SEPTIN9: variants seen among roughly 807,000 people sequenced by gnomAD.
The protein encoded by SEPTIN9 is septin-9.
In SEPTIN9, 13 loss-of-function variants were observed where a neutral mutation model predicts 56.6. The observed-to-expected ratio is 0.23, with a 90% CI of 0.15 to 0.37. The LOEUF is 0.37. Among genes scored for constraint, SEPTIN9 ranks in the 10% least tolerant of loss-of-function variants. The pLI is 1.00. For missense variants in SEPTIN9, 650 were observed against 823.1 expected (o/e 0.79, Z 2.57); for synonymous variants, 332 against 334.1 (o/e 0.99, Z 0.07).
rs1308114005 is a variant in SEPTIN9 at position 77,499,082 on chromosome 17, C to T, written c.*424C>T. On this transcript the variant is annotated 3_prime_UTR_variant, in exon 12 of 12. Transcript: ENST00000427177. ...GCACGCTCCCCTCCATCCCCATCGG[C>T]CCTGTCCCCTGGAGTGTGTCAGAGC... The T allele has an allele frequency of 1.9e-6, 1 of 536,476 alleles. No individual in the cohort carries two copies. Among genetic ancestry groups the T allele is most frequent in the Non-Finnish European group, 3.6e-6 (1 of 276,592 alleles). The allele number at this position is 536,476 out of a possible 1,614,324, so 33.2% of individuals were successfully genotyped here.
At chr17:77,384,518 G>C (rs1268995057) in intron 2 of SEPTIN9, among the ~76,000 whole-genome samples, 1 of 152,050 alleles carries the variant, frequency 6.6e-6, no homozygotes, top group Non-Finnish European at 1.5e-5. Flanking sequence ...GGGGAGGAAG[G>C]AGGGGATGGG....
rs768848747 is a variant in SEPTIN9, at chr17:77,498,622, CATG to C, written c.1726_1728del (p.Met576del). On this transcript the variant is annotated inframe_deletion, in exon 12 of 12. Coordinates refer to ENST00000427177, the MANE Select transcript of SEPTIN9 (RefSeq NM_001113491.2). ...AGGGCAGCAGCGCCATGGCCAACGGCATGGAGGAGAAGGAGCCAGAAGCCCCGG... is the reference window on the plus strand; with the variant it reads ...AGGGCAGCAGCGCCATGGCCAACGGCGAGGAGAAGGAGCCAGAAGCCCCGG... 1.2e-6 allele frequency: 2 copies of C among 1,610,506 alleles called. No homozygotes were observed. The highest frequency in any genetic ancestry group is 1.7e-5 in the Admixed American group (1 of 59,812).
chr17:77,464,063 A>T lies in SEPTIN9; in HGVS notation c.722-18081A>T, dbSNP rs556204678. On this transcript the variant is annotated intron_variant, in intron 3 of 11. Transcript: ENST00000427177. ...AATAACTGCAGGAACAATTTAAAAA[A>T]TTTTTTTTCTTTTTAATTTTTTTGT... Among the ~76,000 whole-genome samples the T allele has an allele frequency of 1.7e-4, 26 of 151,732 alleles. 1 individual carries two copies. In the South Asian group the frequency reaches 3.3e-3, roughly 19 times the overall value.
intron 2 of SEPTIN9, chr17:77,373,865 A>T: frequency 2.9e-6 from 1 of 346,264 alleles, no homozygotes; most frequent in Non-Finnish European, 5.1e-6. Flanking sequence ...AGCGACAGCG[A>T]CCTCCTCGAG....
intron 7 of SEPTIN9, among the ~76,000 whole-genome samples, chr17:77,489,332 G>A (rs1423545371): frequency 1.3e-5 from 2 of 152,210 alleles, no homozygotes; most frequent in African/African-American, 4.8e-5. Context: ...GGCTGCTGTT[G>A]GTGTTGGTGA....
chr17:77,363,801 G>T (rs1359526180), intron 2 of SEPTIN9, among the ~76,000 whole-genome samples: 1 of 152,108 alleles, frequency 6.6e-6, no homozygotes, highest in Non-Finnish European at 1.5e-5. Context: ...CAGGTCCCCA[G>T]AACCAAGGAG....
chr17:77,305,899 G>A (rs2032239864), intron 1 of SEPTIN9, among the ~76,000 whole-genome samples: 1 of 121,800 alleles, frequency 8.2e-6, no homozygotes, highest in Non-Finnish European at 1.7e-5. Context: ...AGGATGAGTG[G>A]GTGGGTGGGG....
intron 2 of SEPTIN9, among the ~76,000 whole-genome samples, chr17:77,365,853 A>G (rs1327894559): frequency 6.6e-6 from 1 of 152,148 alleles, no homozygotes; most frequent in Non-Finnish European, 1.5e-5. Context: ...TTGAAAATAA[A>G]TGCTTTCTTC....
chr17:77,325,627 C>T (rs755431024), intron 2 of SEPTIN9, among the ~76,000 whole-genome samples: 2 of 152,210 alleles, frequency 1.3e-5, no homozygotes, highest in Non-Finnish European at 2.9e-5. Context: ...GCCCGGCCTG[C>T]GTGTGAGACC....
chr17:77,288,992 G>A (rs1036694011), intron 1 of SEPTIN9, among the ~76,000 whole-genome samples: 1 of 152,236 alleles, frequency 6.6e-6, no homozygotes, highest in African/African-American at 2.4e-5. Flanking sequence ...CCTTGGCTGG[G>A]GCGATGAGTC....
At chr17:77,297,961 G>A (rs1177799923) in intron 1 of SEPTIN9, among the ~76,000 whole-genome samples, 1 of 152,234 alleles carries the variant, frequency 6.6e-6, no homozygotes, top group African/African-American at 2.4e-5. Flanking sequence ...GACTAGGCTG[G>A]AAGCAAGCTT....
intron 2 of SEPTIN9, among the ~76,000 whole-genome samples, chr17:77,340,438 G>T (rs887717683): frequency 2.0e-5 from 3 of 152,214 alleles, no homozygotes; most frequent in Non-Finnish European, 4.4e-5. Flanking sequence ...GCCGCACCAG[G>T]CCTCAATGGG....
intron 2 of SEPTIN9, chr17:77,375,877 G>C (rs955699286): frequency 1.3e-5 from 2 of 156,460 alleles, no homozygotes; most frequent in Non-Finnish European, 2.8e-5. Flanking sequence ...GGCCCTCCCT[G>C]GTGCCCAAGG....
At position 77,487,698 on chromosome 17, in the gene SEPTIN9, G is replaced by C. The variant is rs550401261; in HGVS notation, c.1042+146G>C. The C allele has an allele frequency of 4.0e-5, 22 of 543,582 alleles. 5 individuals carry two copies. Among genetic ancestry groups the C allele is most frequent in the African/African-American group, 2.5e-4 (4 of 15,758 alleles). 33.7% of individuals were successfully genotyped at this position (543,582 alleles called of 1,614,324 possible). A position where few individuals can be genotyped will look rare whatever the true frequency, so the allele number is the denominator to read the frequency against. On this transcript the variant is annotated intron_variant, in intron 5 of 11. Transcript: ENST00000427177. This position sits in a 1 kb window ranked among gnomAD's most constrained non-coding sequence, Gnocchi z 4.3. ...CCTCTGCCTTCCTGGAGCACAGAGT[G>C]GGGGGTCAAGACCATCACACACAGT...
At chr17:77,424,618 T>C (rs1017485172) in intron 3 of SEPTIN9, among the ~76,000 whole-genome samples, 17 of 152,324 alleles carry the variant, frequency 1.1e-4, no homozygotes, top group African/African-American at 4.1e-4. Context: ...GGTCCCTTGC[T>C]TTTTTCTGGG....
At chr17:77,290,259 CT>C (rs368699907) in intron 1 of SEPTIN9, among the ~76,000 whole-genome samples, 362 of 135,202 alleles carry the variant, frequency 2.7e-3, no homozygotes, top group Middle Eastern at 3.8e-3. Flanking sequence ...AAAATAAATT[CT>C]TTTTTTTTTT....
intron 3 of SEPTIN9, among the ~76,000 whole-genome samples, chr17:77,412,350 G>C (rs1021142417): frequency 1.3e-5 from 2 of 152,174 alleles, no homozygotes; most frequent in Non-Finnish European, 2.9e-5. Flanking sequence ...GGTCAAGCGA[G>C]AGGGATTATC....
At chr17:77,332,020 AATCCCAGCACT>A (rs2033384252) in intron 2 of SEPTIN9, among the ~76,000 whole-genome samples, 7 of 152,198 alleles carry the variant, frequency 4.6e-5, no homozygotes, top group African/African-American at 1.4e-4. Flanking sequence ...TCATGACTGT[AATCCCAGCACT>A]TTGGGAGGTT....
In SEPTIN9 at chr17:77,488,668, C is replaced by G. The variant is rs1314612940; in HGVS notation, c.1125-59C>G. Reference sequence around the variant, plus strand: ...TTGGGCTCTGAGTCCTGGGAATGCACGACCTGCTTGGGGAGGGCATCTCAT... The same window carrying G: ...TTGGGCTCTGAGTCCTGGGAATGCAGGACCTGCTTGGGGAGGGCATCTCAT... On this transcript the variant is annotated intron_variant, in intron 6 of 11. Transcript: ENST00000427177. The G allele has an allele frequency of 4.4e-6, 7 of 1,607,672 alleles. No individual in the cohort carries two copies. The East Asian group carries it at 1.1e-4, about 26-fold the overall frequency.
Sources: gnomAD v4.1 joint callset for allele counts (sites outside exome capture counted in the v4.1 genomes callset) on GRCh38, gnomAD v4.1.1 for gene constraint, Gnocchi (gnomAD v3.1) non-coding constraint, MANE v1.5 for transcripts, NCBI Gene and HGNC (gene_info 2026-07-23, HGNC 2026-07-21) for gene names.